The following IARS2 variants were observed in gnomAD, a reference collection of about 807,000 sequenced individuals.
IARS2 encodes isoleucine--tRNA ligase, mitochondrial.
In IARS2, 56 loss-of-function variants were observed where a neutral mutation model predicts 126.3. That is an observed-to-expected ratio of 0.44 (90% CI 0.36 to 0.55). The LOEUF is 0.55. Among genes scored for constraint, IARS2 ranks in the 20% least tolerant of loss-of-function variants. The probability of loss-of-function intolerance (pLI) is 0.00; values close to 1 mark genes in which losing one functional copy is unlikely to be tolerated. For synonymous variants in IARS2, 407 were observed against 441.1 expected (o/e 0.92, Z 0.97); for missense variants, 1,127 against 1,245.9 (o/e 0.90, Z 1.44).
chr1:220,133,951 A>C (rs1204023616), intron 14 of IARS2, among the ~76,000 whole-genome samples: 1 of 152,092 alleles, frequency 6.6e-6, no homozygotes. Context: ...GAGGAAAAAA[A>C]AAAAAGGACC....
chr1:220,135,342 C>T (rs563236538), intron 15 of IARS2, among the ~76,000 whole-genome samples: 5 of 152,194 alleles, frequency 3.3e-5, no homozygotes, highest in African/African-American at 9.6e-5. Flanking sequence ...AGGATAAAAA[C>T]CCATCCCAGA....
At chr1:220,136,276 C>T (rs2102838301) in intron 15 of IARS2, among the ~76,000 whole-genome samples, 1 of 152,232 alleles carries the variant, frequency 6.6e-6, no homozygotes, top group East Asian at 1.9e-4. Context: ...GGACTACTGG[C>T]ACACACCACT....
At chr1:220,127,186 C>T (rs1657171247) in intron 14 of IARS2, among the ~76,000 whole-genome samples, 1 of 152,180 alleles carries the variant, frequency 6.6e-6, no homozygotes, top group Admixed American at 6.5e-5. Flanking sequence ...AATAGTCTGA[C>T]CCCATAATTT....
At chr1:220,103,361 T>C in intron 7 of IARS2, 86 bp from the exon 8 acceptor site, 1 of 889,678 alleles carries the variant, frequency 1.1e-6, no homozygotes, top group Admixed American at 2.1e-5. Flanking sequence ...GTCAGTTTTT[T>C]CTAAAATGAT....
At position 220,105,628 on chromosome 1, in the gene IARS2, T is replaced by C. The variant is rs148305375; in HGVS notation, c.1067-263T>C. On this transcript the variant is annotated intron_variant, in intron 8 of 22. Transcript: ENST00000366922. ...GAGGGTGGTGAGGGAGAATATTAAG[T>C]GGTAGATGCAGTAAGTATCAAAACA... 3.1e-3 allele frequency among the ~76,000 whole-genome samples: 466 copies of C among 152,294 alleles called. 2 individuals carry two copies. The highest frequency in any genetic ancestry group is 2.8e-3 in the Non-Finnish European group (189 of 68,024).
intron 2 of IARS2, 141 bp downstream of exon 2, chr1:220,096,367 C>T (rs957958634): frequency 6.5e-6 from 4 of 616,540 alleles, no homozygotes; most frequent in African/African-American, 5.6e-5. Context: ...AAGCAATATA[C>T]AATTTTAGTA....
Position 220,105,901 on chromosome 1 carries a change from G to C in IARS2, c.1077G>C (p.Leu359Phe), listed in dbSNP as rs149196564. 3.7e-6 allele frequency: 6 copies of C among 1,611,666 alleles called. No individual in the cohort carries two copies. Among genetic ancestry groups the C allele is most frequent in the Non-Finnish European group, 4.2e-6 (5 of 1,179,040 alleles). ...ETISTLSGVD[L>F]ENGTCSHPLI... ...TTTCTTTCCCCACAGGTGTAGATTT[G>C]GAAAATGGTACTTGCAGTCATCCAT... The change falls in exon 9 of 23, where the codon TTG becomes TTC. Residue 359 changes from leucine (L) to phenylalanine (F), a missense_variant. Transcript: ENST00000366922.
chr1:220,140,826 T>C (rs913917516), intron 19 of IARS2, among the ~76,000 whole-genome samples: 1 of 151,592 alleles, frequency 6.6e-6, no homozygotes, highest in Non-Finnish European at 1.5e-5. Context: ...CTACTAAAAA[T>C]ACAAAAAATT....
At chr1:220,128,700 G>A (rs1406438873) in intron 14 of IARS2, among the ~76,000 whole-genome samples, 1 of 152,162 alleles carries the variant, frequency 6.6e-6, no homozygotes, top group East Asian at 1.9e-4. Context: ...AAACAGTGAG[G>A]TATAGTGTAT....
At chr1:220,143,387 C>T (rs997724273) in intron 21 of IARS2, 3 of 266,526 alleles carry the variant, frequency 1.1e-5, no homozygotes, top group East Asian at 7.0e-5. Flanking sequence ...TTAGGGTTTC[C>T]GTCTTCTAAT....
In IARS2 at chr1:220,110,966, C is replaced by T. The variant is rs185124362; in HGVS notation, c.1479+29C>T. Reference sequence around the variant, plus strand: ...TAAAAAGCATCCTGTTTTAACAGGTCGGGCATATCATTCCCTCAGTATAAA... The same window carrying T: ...TAAAAAGCATCCTGTTTTAACAGGTTGGGCATATCATTCCCTCAGTATAAA... On this transcript the variant is annotated intron_variant, in intron 11 of 22. Coordinates refer to ENST00000366922, the MANE Select transcript of IARS2 (RefSeq NM_018060.4). The T allele has an allele frequency of 1.0e-4, 160 of 1,604,180 alleles. No individual in the cohort carries two copies. In the African/African-American group the frequency reaches 1.8e-3, roughly 18 times the overall value.
chr1:220,126,898 G>C (rs1657166840), intron 14 of IARS2, 55 bp downstream of exon 14: 1 of 1,283,992 alleles, frequency 7.8e-7, no homozygotes, highest in Admixed American at 2.1e-5. Flanking sequence ...ATATGGAATT[G>C]GTATTTAGAA....
chr1:220,143,677 C>T (rs1004448699), intron 21 of IARS2, among the ~76,000 whole-genome samples: 4 of 152,074 alleles, frequency 2.6e-5, no homozygotes, highest in Non-Finnish European at 5.9e-5. Context: ...TCAAAACAAA[C>T]CCAAAAAGAG....
intron 9 of IARS2, among the ~76,000 whole-genome samples, chr1:220,106,663 T>TA (rs368338556): frequency 0.033 from 5,000 of 151,154 alleles, 128 homozygotes; most frequent in East Asian, 0.11. Context: ...AGTCTTGCTC[T>TA]GTCGCCCAGG....
At chr1:220,129,039 T>C (rs563756377) in intron 14 of IARS2, among the ~76,000 whole-genome samples, 25 of 151,968 alleles carry the variant, frequency 1.6e-4, no homozygotes, top group Non-Finnish European at 3.5e-4. Context: ...TGTGCCACCA[T>C]GCCCAGCTAA....
At chr1:220,126,000 G>A (rs946696897) in intron 13 of IARS2, among the ~76,000 whole-genome samples, 1 of 151,640 alleles carries the variant, frequency 6.6e-6, no homozygotes, top group South Asian at 2.1e-4. Context: ...CCAGCTACTC[G>A]GGAGACTGAG....
intron 18 of IARS2, 91 bp from the exon 19 acceptor site, chr1:220,140,092 T>C: frequency 1.4e-6 from 1 of 731,140 alleles, no homozygotes; most frequent in Non-Finnish European, 2.4e-6. Context: ...CATTGAAACA[T>C]ATTTTTGAAA....
At position 220,140,164 on chromosome 1, in the gene IARS2, TTTTGGC is replaced by T. The variant is rs1657455822; in HGVS notation, c.2308-14_2308-9del. 6.9e-7 allele frequency: 1 copy of T among 1,446,638 alleles called. No individual in the cohort carries two copies. Among genetic ancestry groups the T allele is most frequent in the South Asian group, 1.1e-5 (1 of 87,254 alleles). 89.6% of individuals were successfully genotyped at this position (1,446,638 alleles called of 1,614,324 possible). On this transcript the variant is annotated splice_polypyrimidine_tract_variant and intron_variant, in intron 18 of 22. Coordinates refer to ENST00000366922, the MANE Select transcript of IARS2 (RefSeq NM_018060.4). Reference sequence around the variant, plus strand: ...TTGCCTGTCTCAGCTTCCAAATTTATTTTGGCTTTGTTCCCTAGATTACCGAATTAT... The same window carrying T: ...TTGCCTGTCTCAGCTTCCAAATTTATTTTGTTCCCTAGATTACCGAATTAT...
intron 18 of IARS2, among the ~76,000 whole-genome samples, chr1:220,139,799 G>A (rs1468273235): frequency 6.6e-6 from 1 of 152,100 alleles, no homozygotes; most frequent in Admixed American, 6.5e-5. Flanking sequence ...GTTTGCATTA[G>A]TGTACCCTTA....
Sources: gnomAD v4.1 joint callset for allele counts (sites outside exome capture counted in the v4.1 genomes callset) on GRCh38, gnomAD v4.1.1 for gene constraint, MANE v1.5 for transcripts, NCBI Gene and HGNC (gene_info 2026-07-23, HGNC 2026-07-21) for gene names.